TRMT44: variants seen among roughly 807,000 people sequenced by gnomAD.
TRMT44 encodes probable tRNA (uracil-O(2)-)-methyltransferase.
A neutral mutation model predicts 77.3 loss-of-function variants in TRMT44; 78 were observed. The ratio of observed to expected loss-of-function variants is 1.01; its 90% confidence interval spans 0.84 to 1.22. TRMT44 has a LOEUF of 1.22. TRMT44 is among the 50% of genes most tolerant of loss of function. The pLI, the probability that TRMT44 is intolerant of heterozygous loss-of-function variation, is 0.00. For synonymous variants in TRMT44, 391 were observed against 383.3 expected, an observed-to-expected ratio of 1.02 and a Z score of -0.23; for missense variants, 1,090 against 964.4, an observed-to-expected ratio of 1.13 and a Z score of -1.73.
In TRMT44 at chr4:8,468,226, G is replaced by C; in HGVS notation, c.1807G>C (p.Ala603Pro). Reference sequence around the variant, plus strand: ...GGCTGAGCGTGTGAGGAACTGTGCCGCCCTGCCACGAGATTTTATTGACCA... The same window carrying C: ...GGCTGAGCGTGTGAGGAACTGTGCCCCCCTGCCACGAGATTTTATTGACCA... ...EKAERVRNCA[A>P]LPRDFIDQVV... is the part of the protein sequence containing the mutation. Residue 603 changes from alanine to proline, a missense_variant, in exon 9 of 11, where the codon GCC (alanine) becomes CCC (proline). Physicochemically the swap from Ala to Pro is conservative, Grantham distance 27. Transcript: ENST00000389737. 1 of 1,614,224 alleles carries C rather than the reference G, an allele frequency of 6.2e-7. No homozygotes were observed. The highest frequency in any genetic ancestry group is 1.6e-4 in the Middle Eastern group (1 of 6,062).
At chr4:8,508,515 G>T in the TRMT44 span, among the ~76,000 whole-genome samples, 2 of 152,332 alleles carry the variant, frequency 1.3e-5, no homozygotes, top group African/African-American at 4.8e-5. Context: ...AGTTGAACCT[G>T]ATGTCTGCTC....
chr4:8,485,387 G>T (rs1330740092), intron 2 of TRMT44, among the ~76,000 whole-genome samples: 5 of 152,250 alleles, frequency 3.3e-5, no homozygotes, highest in Admixed American at 1.3e-4. Context: ...GAACTAATCT[G>T]TAAGACTTGT....
At chr4:8,486,646 G>A (rs933502812) in intron 2 of TRMT44, among the ~76,000 whole-genome samples, 9 of 151,774 alleles carry the variant, frequency 5.9e-5, no homozygotes, top group African/African-American at 2.2e-4. Flanking sequence ...AACTGGGCTG[G>A]GTTTTTATAT....
intron 6 of TRMT44, among the ~76,000 whole-genome samples, chr4:8,455,395 G>A (rs1453548391): frequency 6.6e-6 from 1 of 152,242 alleles, no homozygotes; most frequent in African/African-American, 2.4e-5. Context: ...GCACGGAAGC[G>A]AGATGCCCCC....
In TRMT44 at chr4:8,444,961, G is replaced by T. The variant is rs1648989565; in HGVS notation, c.620-1515G>T. 6.6e-6 allele frequency among the ~76,000 whole-genome samples: 1 copy of T among 152,186 alleles called. No homozygotes were observed. The highest frequency in any genetic ancestry group is 6.5e-5 in the Admixed American group (1 of 15,282). Reference sequence around the variant, plus strand: ...AGCAGATTTGGGGTTGCCACACTGGGCAGGGAGGGAGAGGATGCTGCTGGC... The same window carrying T: ...AGCAGATTTGGGGTTGCCACACTGGTCAGGGAGGGAGAGGATGCTGCTGGC... On this transcript the variant is annotated intron_variant, in intron 1 of 10. Transcript: ENST00000389737. This position sits in a 1 kb window ranked among gnomAD's most constrained non-coding sequence, Gnocchi z 4.0.
At chr4:8,510,619 G>A in the TRMT44 span, 1 of 152,542 alleles carries the variant, frequency 6.6e-6, no homozygotes, top group Non-Finnish European at 1.5e-5. Flanking sequence ...AGAACACCAG[G>A]ATGTGTTCAG....
At chr4:8,465,711 G>A in intron 8 of TRMT44, 150 bp downstream of exon 8, 1 of 719,838 alleles carries the variant, frequency 1.4e-6, no homozygotes, top group Non-Finnish European at 2.2e-6. Context: ...TCACTGATGA[G>A]GCCCAGAGGC....
In TRMT44 at chr4:8,440,953, AG is replaced by A; in HGVS notation, c.133del (p.Ala45ProfsTer77). On this transcript the variant is annotated frameshift_variant, in exon 1 of 11. Coordinates refer to ENST00000389737, the MANE Select transcript of TRMT44 (RefSeq NM_152544.3). LOFTEE classifies it high-confidence loss of function. ...AAACGGCTTTGCGGCGCCCGCCTGG[AG>A]GCCCGCTGGAGCGCCGCCCTGCCCT... ...ANKRLCGARL[E>X]ARWSAALPCA... 1 of 1,529,108 alleles carries A rather than the reference AG, an allele frequency of 6.5e-7. No individual in the cohort carries two copies. The highest frequency in any genetic ancestry group is 1.2e-5 in the South Asian group (1 of 83,112). The allele number at this position is 1,529,108 out of a possible 1,614,324, so 94.7% of individuals were successfully genotyped here. A position where few individuals can be genotyped will look rare whatever the true frequency, so the allele number is the denominator to read the frequency against.
At chr4:8,516,219 C>G in the TRMT44 span, among the ~76,000 whole-genome samples, 1 of 152,202 alleles carries the variant, frequency 6.6e-6, no homozygotes, top group African/African-American at 2.4e-5. Flanking sequence ...CCCAGAGTCA[C>G]GCAGGCCCGG....
rs995231445 is a variant in TRMT44 at position 8,476,109 on chromosome 4, T to A, written c.*108T>A. 3.1e-6 allele frequency: 3 copies of A among 968,008 alleles called. No homozygotes were observed. The highest frequency in any genetic ancestry group is 2.4e-5 in the East Asian group (1 of 40,866). 60.0% of individuals were successfully genotyped at this position (968,008 alleles called of 1,614,324 possible). On this transcript the variant is annotated 3_prime_UTR_variant, in exon 11 of 11. Coordinates refer to ENST00000389737, the MANE Select transcript of TRMT44 (RefSeq NM_152544.3). ...TGCTCTGGCTGTGTTTCAGCCCACCTCCTCCCAGCTTTCTCCACATCCTCA... is the reference window on the plus strand; with the variant it reads ...TGCTCTGGCTGTGTTTCAGCCCACCACCTCCCAGCTTTCTCCACATCCTCA...
intron 2 of TRMT44, among the ~76,000 whole-genome samples, chr4:8,489,334 T>C (rs1028474170): frequency 6.6e-6 from 1 of 152,262 alleles, no homozygotes; most frequent in African/African-American, 2.4e-5. Flanking sequence ...GCAAAAATTC[T>C]ATCAGTGAGA....
chr4:8,443,404 C>T lies in TRMT44; in HGVS notation c.619+1963C>T, dbSNP rs530655534. Among the ~76,000 whole-genome samples the T allele has an allele frequency of 8.6e-4, 131 of 152,316 alleles. 1 individual carries two copies. The highest frequency in any genetic ancestry group is 3.1e-3 in the African/African-American group (129 of 41,560). ...ATTGCTTTCTATATTCAGTTCCCGC[C>T]AGGAAGGCTCACCAGAGGACTTGTA... On this transcript the variant is annotated intron_variant, in intron 1 of 10. Coordinates refer to ENST00000389737, the MANE Select transcript of TRMT44 (RefSeq NM_152544.3).
the TRMT44 span, among the ~76,000 whole-genome samples, chr4:8,506,500 C>T: frequency 6.6e-6 from 1 of 152,220 alleles, no homozygotes; most frequent in African/African-American, 2.4e-5. Context: ...CCACTCCATG[C>T]TCATTGCTGA....
chr4:8,500,213 T>C, the TRMT44 span, among the ~76,000 whole-genome samples: 1 of 151,786 alleles, frequency 6.6e-6, no homozygotes. Flanking sequence ...TAAAAACAGC[T>C]GGGTGCGGTG....
chr4:8,470,007 C>T (rs1350132993), intron 9 of TRMT44, among the ~76,000 whole-genome samples: 3 of 152,242 alleles, frequency 2.0e-5, no homozygotes, highest in Non-Finnish European at 4.4e-5. Flanking sequence ...GAGTCAAGAC[C>T]GCACACGTCA....
At chr4:8,450,792 G>GTTTTTTTTTTTTTTTTTTTTTTTT in intron 3 of TRMT44, among the ~76,000 whole-genome samples, 1 of 96,674 alleles carries the variant, frequency 1.0e-5, no homozygotes, top group Non-Finnish European at 1.9e-5. Flanking sequence ...TCATTTCCAT[G>GTTTTTTTTTTTTTTTTTTTTTTTT]TTTTTTTTTT....
At chr4:8,481,866 A>ATTCAG (rs548644265) in intron 2 of TRMT44, among the ~76,000 whole-genome samples, 54 of 152,280 alleles carry the variant, frequency 3.5e-4, no homozygotes, top group African/African-American at 1.3e-3. Context: ...CCATCCTGAA[A>ATTCAG]GCCCTGTCTG....
chr4:8,487,995 TGAAAG>T (rs1196776831), intron 2 of TRMT44, among the ~76,000 whole-genome samples: 3 of 151,558 alleles, frequency 2.0e-5, no homozygotes, highest in Admixed American at 6.6e-5. Flanking sequence ...TACCAGAAAA[TGAAAG>T]GAATTGAAAT....
chr4:8,506,594 C>G, the TRMT44 span, among the ~76,000 whole-genome samples: 1 of 152,204 alleles, frequency 6.6e-6, no homozygotes, highest in African/African-American at 2.4e-5. Context: ...CCCCCCTCAG[C>G]CTGGGGTCCT....
Sources: gnomAD v4.1 joint callset for allele counts (sites outside exome capture counted in the v4.1 genomes callset) on GRCh38, gnomAD v4.1.1 for gene constraint, Gnocchi (gnomAD v3.1) non-coding constraint, MANE v1.5 for transcripts, NCBI Gene and HGNC (gene_info 2026-07-23, HGNC 2026-07-21) for gene names.